Variants in NME1 observed in about 807,000 individuals in gnomAD.
NME1 encodes NME/NM23 nucleoside diphosphate kinase 1, also known as nucleoside diphosphate kinase A.
A neutral mutation model predicts 17.2 loss-of-function variants in NME1; 9 were observed. The ratio of observed to expected loss-of-function variants is 0.52; its 90% CI spans 0.32 to 0.92. NME1 has a LOEUF of 0.92. NME1 is among the 40% of genes least tolerant of loss of function. NME1 has a pLI of 0.04. For missense variants in NME1, 169 were observed against 201.7 expected, an observed-to-expected ratio of 0.84 and a Z score of 0.98; for synonymous variants, 72 against 70.8, an observed-to-expected ratio of 1.02 and a Z score of -0.09.
At chr17:51,155,546 A>T in intron 1 of NME1, 105 bp from the exon 2 acceptor site, 2 of 1,538,590 alleles carry the variant, frequency 1.3e-6, no homozygotes, top group South Asian at 2.3e-5. Context: ...CCTGGAGCTG[A>T]CCTGACAGAT....
At chr17:51,159,749 T>C (rs1401936681) in intron 2 of NME1, among the ~76,000 whole-genome samples, 1 of 152,124 alleles carries the variant, frequency 6.6e-6, no homozygotes, top group East Asian at 1.9e-4. Context: ...TAATGTTCTG[T>C]GGTTTTATTA....
At chr17:51,161,367 T>A in intron 4 of NME1, 95 bp downstream of exon 4, 1 of 1,171,346 alleles carries the variant, frequency 8.5e-7, no homozygotes. Flanking sequence ...TGATACCATA[T>A]GCAGGTTGAT....
intron 3 of NME1, 35 bp downstream of exon 3, chr17:51,160,116 A>C (rs1281410358): frequency 6.2e-7 from 1 of 1,608,224 alleles, no homozygotes; most frequent in South Asian, 1.1e-5. Flanking sequence ...CCAAGTATGC[A>C]TTGCTTGTCA....
intron 2 of NME1, among the ~76,000 whole-genome samples, chr17:51,158,671 G>A (rs948692030): frequency 6.6e-6 from 1 of 152,148 alleles, no homozygotes; most frequent in Non-Finnish European, 1.5e-5. Flanking sequence ...TGGGGCTTCT[G>A]GGCAGCCAGT....
intron 3 of NME1, chr17:51,160,394 C>A: frequency 2.4e-6 from 1 of 419,428 alleles, no homozygotes; most frequent in Non-Finnish European, 4.5e-6. Context: ...CATTTCCAGC[C>A]AAGCAAACAG....
chr17:51,155,642 T>C lies in NME1; in HGVS notation c.-4-9T>C. 1 of 1,613,584 alleles carries C rather than the reference T, an allele frequency of 6.2e-7. No individual in the cohort carries two copies. The highest frequency in any genetic ancestry group is 8.5e-7 in the Non-Finnish European group (1 of 1,179,694). ...CTGCTGTTTCATTCCTCTACCTGCC[T>C]ATCCCCAGAACCATGGCCAACTGTG... On this transcript the variant is annotated splice_polypyrimidine_tract_variant and intron_variant, in intron 1 of 4. Coordinates refer to ENST00000393196, the MANE Select transcript of NME1 (RefSeq NM_000269.3).
In NME1 at chr17:51,155,754, C is replaced by T. The variant is rs761858039; in HGVS notation, c.100C>T (p.Arg34Cys). 4.8e-5 allele frequency: 78 copies of T among 1,613,798 alleles called. No homozygotes were observed. Among genetic ancestry groups the T allele is most frequent in the Admixed American group, 4.2e-4 (25 of 59,992 alleles). ...CAAGCGTTTTGAGCAGAAAGGATTC[C>T]GCCTTGTTGGTCTGAAATTCATGCA... ...IIKRFEQKGF[R>C]LVGLKFMQAS... The change falls in exon 2 of 5, where the codon CGC becomes TGC. Residue 34 changes from arginine to cysteine, a missense_variant. Physicochemically the swap from Arg to Cys is radical, Grantham distance 180. Transcript: ENST00000393196.
At chr17:51,160,231 A>G in intron 3 of NME1, 150 bp downstream of exon 3, 1 of 843,096 alleles carries the variant, frequency 1.2e-6, no homozygotes, top group South Asian at 1.4e-5. Flanking sequence ...GGCTTCAGAA[A>G]TGAAATATGC....
intron 2 of NME1, among the ~76,000 whole-genome samples, chr17:51,159,710 T>C (rs2049837243): frequency 6.6e-6 from 1 of 152,070 alleles, no homozygotes; most frequent in Non-Finnish European, 1.5e-5. Context: ...GTTTGATTTT[T>C]TTTTAAATGA....
chr17:51,156,871 A>G (rs2049793753), intron 2 of NME1, among the ~76,000 whole-genome samples: 1 of 148,104 alleles, frequency 6.8e-6, no homozygotes, highest in Admixed American at 6.8e-5. Flanking sequence ...AGCCTGTGCA[A>G]CAAGAGCAAA....
chr17:51,159,856 A>G (rs2049839342), intron 2 of NME1, 124 bp from the exon 3 acceptor site: 8 of 1,088,964 alleles, frequency 7.3e-6, no homozygotes, highest in Admixed American at 3.7e-5. Context: ...GAATTGGGTT[A>G]TAACAGAATC....
intron 1 of NME1, among the ~76,000 whole-genome samples, chr17:51,155,123 AG>A (rs2049766442): frequency 6.6e-6 from 1 of 151,836 alleles, no homozygotes; most frequent in Non-Finnish European, 1.5e-5. Context: ...ACGCACCTGT[AG>A]TCCCAGCTAT....
chr17:51,160,610 C>CTTTTTTTTTTTTTTTT (rs1161137953), intron 3 of NME1: 1 of 177,750 alleles, frequency 5.6e-6, no homozygotes. Flanking sequence ...CTTGGCATTT[C>CTTTTTTTTTTTTTTTT]TTTTTTTTTT....
In NME1 at chr17:51,155,707, G is replaced by A. The variant is rs770182236; in HGVS notation, c.53G>A (p.Arg18Gln). 27 of 1,614,036 alleles carry A rather than the reference G, an allele frequency of 1.7e-5. No individual in the cohort carries two copies. In the South Asian group the frequency reaches 2.6e-4, roughly 16 times the overall value. Residue 18 changes from arginine (R) to glutamine (Q), a missense_variant, in exon 2 of 5, where the codon CGG (arginine) becomes CAG (glutamine). Physicochemically the swap from Arg to Gln is conservative, Grantham distance 43. Transcript: ENST00000393196. ...GCGATCAAACCAGATGGGGTCCAGCGGGGTCTTGTGGGAGAGATTATCAAG... is the reference window on the plus strand; with the variant it reads ...GCGATCAAACCAGATGGGGTCCAGCAGGGTCTTGTGGGAGAGATTATCAAG... ...FIAIKPDGVQ[R>Q]GLVGEIIKRF...
At chr17:51,160,474 G>A in intron 3 of NME1, 1 of 366,286 alleles carries the variant, frequency 2.7e-6, no homozygotes, top group Admixed American at 3.8e-5. Flanking sequence ...TGAAATGCCC[G>A]AAGCCTGATG....
intron 1 of NME1, chr17:51,154,393 T>A: frequency 6.2e-7 from 1 of 1,614,058 alleles, no homozygotes; most frequent in Non-Finnish European, 8.5e-7. Context: ...CTGTCTACTT[T>A]AGGGATCGTC....
Position 51,161,221 on chromosome 17 carries a change from C to T in NME1, c.290C>T (p.Ala97Val). Residue 97 changes from alanine to valine, a missense_variant, in exon 4 of 5, where the codon GCA becomes GTA. By Grantham distance (64) the Ala-to-Val change is moderately conservative. Transcript: ENST00000393196. ...GRVMLGETNPADSKPGTIRGD... is the reference protein window; with the variant it reads ...GRVMLGETNPVDSKPGTIRGD... ...GTCATGCTCGGGGAGACCAACCCTG[C>T]AGACTCCAAGCCTGGGACCATCCGT... The T allele has an allele frequency of 6.2e-7, 1 of 1,612,948 alleles. No individual in the cohort carries two copies. Among genetic ancestry groups the T allele is most frequent in the Non-Finnish European group, 8.5e-7 (1 of 1,179,618 alleles).
At chr17:51,160,974 G>C (rs1438476820) in intron 3 of NME1, 186 bp from the exon 4 acceptor site, 3 of 730,446 alleles carry the variant, frequency 4.1e-6, no homozygotes, top group Non-Finnish European at 7.3e-6. Context: ...AGAAAGGCAA[G>C]CATGAGGGCA....
At chr17:51,161,366 A>G (rs2049862672) in intron 4 of NME1, 94 bp downstream of exon 4, 1 of 1,169,792 alleles carries the variant, frequency 8.5e-7, no homozygotes, top group Non-Finnish European at 1.3e-6. Context: ...ATGATACCAT[A>G]TGCAGGTTGA....
Sources: gnomAD v4.1 joint callset for allele counts (sites outside exome capture counted in the v4.1 genomes callset) on GRCh38, gnomAD v4.1.1 for gene constraint, MANE v1.5 for transcripts, NCBI Gene and HGNC (gene_info 2026-07-23, HGNC 2026-07-21) for gene names.